CDCA7L: variants seen among roughly 807,000 people sequenced by gnomAD.
CDCA7L encodes the protein cell division cycle associated 7 like.
CDCA7L carries 44 observed loss-of-function variants against 57.4 expected under a neutral mutation model. The ratio of observed to expected loss-of-function variants is 0.77; its 90% confidence interval spans 0.60 to 0.98. The LOEUF (loss-of-function observed/expected upper bound fraction) is 0.98. Among genes scored for constraint, CDCA7L ranks in the 50% least tolerant of loss-of-function variants. CDCA7L has a pLI of 0.00. For missense variants in CDCA7L, 644 were observed against 580.6 expected (o/e 1.11, Z -1.12); for synonymous variants, 236 against 202.8 (o/e 1.16, Z -1.39).
chr7:21,936,941 A>C (rs189782893), intron 1 of CDCA7L, among the ~76,000 whole-genome samples: 38 of 152,354 alleles, frequency 2.5e-4, no homozygotes, highest in African/African-American at 7.2e-4. Context: ...AAGTAGTTAG[A>C]GCTAACAATT....
chr7:21,903,165 C>CAAGAACT (rs1784995656), intron 8 of CDCA7L, 51 bp from the exon 9 acceptor site: 1 of 1,571,064 alleles, frequency 6.4e-7, no homozygotes, highest in Admixed American at 1.7e-5. Context: ...CAGGGTCTGG[C>CAAGAACT]AAGAACTGGG....
chr7:21,922,269 G>A (rs1415362422), intron 1 of CDCA7L, among the ~76,000 whole-genome samples: 1 of 152,170 alleles, frequency 6.6e-6, no homozygotes, highest in East Asian at 1.9e-4. Context: ...TTACCTGAGA[G>A]CTTTTCTCTG....
chr7:21,930,207 C>G (rs1785962135), intron 1 of CDCA7L, among the ~76,000 whole-genome samples: 2 of 152,176 alleles, frequency 1.3e-5, no homozygotes, highest in Non-Finnish European at 2.9e-5. Context: ...CAACCTGCTC[C>G]TGAATGACTA....
intron 7 of CDCA7L, among the ~76,000 whole-genome samples, chr7:21,904,533 C>G (rs896253226): frequency 6.6e-6 from 1 of 152,188 alleles, no homozygotes; most frequent in African/African-American, 2.4e-5. Flanking sequence ...TGCCTCCTGT[C>G]AGATCAGCAG....
At position 21,903,963 on chromosome 7, in the gene CDCA7L, TTTTCCCTGGAGCC is replaced by T. The variant is rs1396774139; in HGVS notation, c.1197+134_1197+146del. ...TTCCAGAAGGAATCCCTATTTTTCA[TTTTCCCTGGAGCC>T]TTAAGATACAAATGGAAGGGAAAAA... On this transcript the variant is annotated intron_variant, in intron 8 of 9. Transcript: ENST00000406877. The T allele has an allele frequency of 2.4e-5, 16 of 672,490 alleles. No individual in the cohort carries two copies. The African/African-American group carries it at 2.6e-4, about 11-fold the overall frequency. The allele number at this position is 672,490 out of a possible 1,614,324, so 41.7% of individuals were successfully genotyped here.
At chr7:21,910,735 C>T (rs997618349) in intron 3 of CDCA7L, among the ~76,000 whole-genome samples, 4 of 152,130 alleles carry the variant, frequency 2.6e-5, no homozygotes, top group Admixed American at 6.5e-5. Context: ...ATAAAACAAA[C>T]AAATAACTAA....
intron 1 of CDCA7L, among the ~76,000 whole-genome samples, chr7:21,928,639 G>A (rs774261273): frequency 1.1e-4 from 16 of 151,714 alleles, no homozygotes; most frequent in East Asian, 7.8e-4. Flanking sequence ...AACACAGCAC[G>A]AAAACTTCAT....
chr7:21,926,350 A>G (rs967737228), intron 1 of CDCA7L, among the ~76,000 whole-genome samples: 3 of 152,224 alleles, frequency 2.0e-5, no homozygotes, highest in African/African-American at 7.2e-5. Context: ...CAAGAAAGTG[A>G]AAAGAAAAAT....
chr7:21,902,729 T>TCAAGGAGAAATTTTGGTTA lies in CDCA7L; in HGVS notation c.1334+230_1334+248dup. On this transcript the variant is annotated intron_variant, in intron 9 of 9. Transcript: ENST00000406877. ...GTTCCTTCCATTTCTGTCATACACCTCAAGGAGAAATTTTGGTTAAAGGCA... is the reference window on the plus strand; with the variant it reads ...GTTCCTTCCATTTCTGTCATACACCTCAAGGAGAAATTTTGGTTACAAGGAGAAATTTTGGTTAAAGGCA... 5 of 507,476 alleles carry TCAAGGAGAAATTTTGGTTA rather than the reference T, an allele frequency of 9.9e-6. No homozygotes were observed. The South Asian group carries it at 1.1e-4, about 11-fold the overall frequency. 31.4% of individuals were successfully genotyped at this position (507,476 alleles called of 1,614,324 possible).
At chr7:21,902,935 C>T in intron 9 of CDCA7L, 43 bp downstream of exon 9, 1 of 1,596,528 alleles carries the variant, frequency 6.3e-7, no homozygotes, top group Non-Finnish European at 8.6e-7. Flanking sequence ...TGCTCAGCCT[C>T]AAGATTTCAA....
Position 21,901,245 on chromosome 7 carries a change from A to G in CDCA7L, c.*1077T>C, listed in dbSNP as rs1278794334. 3 of 1,604,822 alleles carry G rather than the reference A, an allele frequency of 1.9e-6. No individual in the cohort carries two copies. Among genetic ancestry groups the G allele is most frequent in the Non-Finnish European group, 1.7e-6 (2 of 1,175,638 alleles). On this transcript the variant is annotated 3_prime_UTR_variant, in exon 10 of 10. Coordinates refer to ENST00000406877, the MANE Select transcript of CDCA7L (RefSeq NM_018719.5). ...TTCTGGCTGGAGTGGCTCTGCTTCT[A>G]GAAGCGTAAGGTAACACTGGCATTC...
chr7:21,908,264 T>G lies in CDCA7L; in HGVS notation c.547A>C (p.Lys183Gln), dbSNP rs1294527705. Residue 183 changes from lysine (K) to glutamine (Q), a missense_variant, in exon 4 of 10, where the codon AAG becomes CAG. Coordinates refer to ENST00000406877, the MANE Select transcript of CDCA7L (RefSeq NM_018719.5). ...TGTATCACCTGTCTACAGTCTTTCT[T>G]TCTTTCAAGAATTGTTTTTTTCTCA... ...QNEKKTILER[K>Q]KDCRQVIQRE... 1.2e-6 allele frequency: 2 copies of G among 1,613,640 alleles called. No homozygotes were observed. The highest frequency in any genetic ancestry group is 1.7e-6 in the Non-Finnish European group (2 of 1,179,912).
At chr7:21,916,716 C>T (rs1404492962) in intron 2 of CDCA7L, 38 bp downstream of exon 2, 1 of 1,598,166 alleles carries the variant, frequency 6.3e-7, no homozygotes, top group South Asian at 1.1e-5. Flanking sequence ...ATTCAGGCCT[C>T]CAGATGAACA....
intron 2 of CDCA7L, among the ~76,000 whole-genome samples, chr7:21,913,412 G>C (rs1023761766): frequency 6.6e-6 from 1 of 152,072 alleles, no homozygotes; most frequent in Non-Finnish European, 1.5e-5. Context: ...ACCAGAGTTA[G>C]CATACACATA....
At chr7:21,916,550 C>T (rs557484385) in intron 2 of CDCA7L, among the ~76,000 whole-genome samples, 1 of 142,758 alleles carries the variant, frequency 7.0e-6, no homozygotes, top group East Asian at 2.0e-4. Flanking sequence ...AATTATGGTA[C>T]AGGGAAGGAT....
chr7:21,907,951 T>A (rs528605487), intron 4 of CDCA7L, among the ~76,000 whole-genome samples, 179 bp downstream of exon 4: 3 of 152,162 alleles, frequency 2.0e-5, no homozygotes, highest in Non-Finnish European at 4.4e-5. Context: ...CCAGAGCTGA[T>A]CATGTAATAG....
intron 4 of CDCA7L, among the ~76,000 whole-genome samples, chr7:21,907,521 G>A (rs1785178059): frequency 6.6e-6 from 1 of 152,160 alleles, no homozygotes; most frequent in African/African-American, 2.4e-5. Flanking sequence ...TCTCTACAAT[G>A]ATCAGATTAA....
At chr7:21,902,514 G>A (rs374028529) in intron 9 of CDCA7L, 162 bp from the exon 10 acceptor site, 22 of 673,756 alleles carry the variant, frequency 3.3e-5, no homozygotes, top group South Asian at 1.1e-4. Flanking sequence ...TATACCCTCT[G>A]GTGTAGTACG....
intron 1 of CDCA7L, among the ~76,000 whole-genome samples, chr7:21,931,855 A>C (rs900443882): frequency 5.9e-5 from 9 of 152,368 alleles, no homozygotes; most frequent in Non-Finnish European, 1.3e-4. Context: ...AAATAGGAAG[A>C]GAGGAAGTCC....
Sources: gnomAD v4.1 joint callset for allele counts (sites outside exome capture counted in the v4.1 genomes callset) on GRCh38, gnomAD v4.1.1 for gene constraint, MANE v1.5 for transcripts, NCBI Gene and HGNC (gene_info 2026-07-23, HGNC 2026-07-21) for gene names.